Variants in SLC5A5 observed in about 807,000 individuals in gnomAD.
SLC5A5 encodes sodium/iodide cotransporter.
A neutral mutation model predicts 68.6 loss-of-function variants in SLC5A5; 56 were observed. The observed-to-expected ratio is 0.82, with a 90% confidence interval of 0.66 to 1.02. The LOEUF is 1.02. Ranked by LOEUF, SLC5A5 falls within the 50% of genes least tolerant of loss-of-function variation. SLC5A5 has a pLI of 0.00. For missense variants in SLC5A5, 807 were observed against 859.8 expected (o/e 0.94, Z 0.77); for synonymous variants, 398 against 373.0 (o/e 1.07, Z -0.77).
chr19:17,883,844 C>A lies in SLC5A5; in HGVS notation c.1330-6C>A. Reference sequence around the variant, plus strand: ...TCCCCTTCCCTGACGCCGGCTCTGCCCCCAGGGCGTCCTCGCGGGACTAGG... The same window carrying A: ...TCCCCTTCCCTGACGCCGGCTCTGCACCCAGGGCGTCCTCGCGGGACTAGG... On this transcript the variant is annotated splice_polypyrimidine_tract_variant and splice_region_variant and intron_variant, in intron 11 of 14. Coordinates refer to ENST00000222248, the MANE Select transcript of SLC5A5 (RefSeq NM_000453.3). 1 of 1,601,408 alleles carries A rather than the reference C, an allele frequency of 6.2e-7. No individual in the cohort carries two copies. The highest frequency in any genetic ancestry group is 1.1e-5 in the South Asian group (1 of 90,182).
chr19:17,892,237 G>T (rs898195232), intron 14 of SLC5A5, among the ~76,000 whole-genome samples: 5 of 149,716 alleles, frequency 3.3e-5, no homozygotes, highest in Non-Finnish European at 7.4e-5. Context: ...GGTAGAGGTT[G>T]TAGTGAGCTG....
chr19:17,878,186 C>T, intron 7 of SLC5A5, 93 bp downstream of exon 7: 2 of 1,448,058 alleles, frequency 1.4e-6, no homozygotes, highest in South Asian at 1.2e-5. Flanking sequence ...AGGGAATGGC[C>T]TGTGCAAAGG....
At chr19:17,892,813 G>A (rs2030240286) in intron 14 of SLC5A5, among the ~76,000 whole-genome samples, 1 of 152,056 alleles carries the variant, frequency 6.6e-6, no homozygotes, top group Admixed American at 6.6e-5. Flanking sequence ...GTGGCCTCTT[G>A]GGAGAGGTGA....
intron 4 of SLC5A5, among the ~76,000 whole-genome samples, chr19:17,875,377 TATA>T (rs548265014): frequency 1.4e-5 from 2 of 148,104 alleles, no homozygotes; most frequent in Non-Finnish European, 1.5e-5. Flanking sequence ...CTCAAAAAAA[TATA>T]ATAATAATAA....
chr19:17,883,852 C>T lies in SLC5A5; in HGVS notation c.1332C>T (p.Gly444=), dbSNP rs1375617543. The change falls in exon 12 of 15, where the codon GGC becomes GGT. Residue 444 remains glycine (G), a splice_region_variant and synonymous_variant. Transcript: ENST00000222248. ...CCTGACGCCGGCTCTGCCCCCAGGG[C>T]GTCCTCGCGGGACTAGGCGCGGGCT... is the stretch of plus-strand genomic sequence containing the variant. ...GMFLPACNTP[G]VLAGLGAGLA... The T allele has an allele frequency of 1.6e-5, 25 of 1,597,308 alleles. No homozygotes were observed. Among genetic ancestry groups the T allele is most frequent in the Non-Finnish European group, 2.0e-5 (24 of 1,172,890 alleles).
At chr19:17,891,189 G>A (rs1252267934) in intron 14 of SLC5A5, among the ~76,000 whole-genome samples, 188 bp downstream of exon 14, 1 of 152,140 alleles carries the variant, frequency 6.6e-6, no homozygotes, top group Admixed American at 6.6e-5. Flanking sequence ...ACTGAACAGA[G>A]TTTAATACTA....
At chr19:17,874,778 G>C (rs749252033) in intron 4 of SLC5A5, 47 bp downstream of exon 4, 1 of 1,574,348 alleles carries the variant, frequency 6.4e-7, no homozygotes, top group African/African-American at 1.3e-5. Context: ...CGGGCCCACT[G>C]TGTCTCTTGT....
chr19:17,874,188 G>C lies in SLC5A5; in HGVS notation c.408G>C (p.Gln136His). The C allele has an allele frequency of 6.2e-7, 1 of 1,611,394 alleles. No homozygotes were observed. Among genetic ancestry groups the C allele is most frequent in the Non-Finnish European group, 8.5e-7 (1 of 1,178,128 alleles). ...CAGTGCGGCTCTGCGGGACTTTGCA[G>C]TACATTGTAGCCACGGTGAGTGGCC... ...SRAVRLCGTL[Q>H]YIVATMLYTG... Residue 136 changes from glutamine (Q) to histidine (H), a missense_variant, in exon 2 of 15, where the codon CAG becomes CAC. Coordinates refer to ENST00000222248, the MANE Select transcript of SLC5A5 (RefSeq NM_000453.3).
intron 14 of SLC5A5, among the ~76,000 whole-genome samples, chr19:17,892,255 G>A (rs539216343): frequency 3.4e-4 from 52 of 151,118 alleles, no homozygotes; most frequent in Non-Finnish European, 5.6e-4. Context: ...CTGAGATCGC[G>A]CCACTGCATT....
intron 14 of SLC5A5, among the ~76,000 whole-genome samples, chr19:17,892,856 C>G (rs1324648241): frequency 1.3e-5 from 2 of 151,958 alleles, no homozygotes. Context: ...AGAAGAGGAA[C>G]CAGCCACAGA....
At chr19:17,880,812 C>A in intron 7 of SLC5A5, 53 bp from the exon 8 acceptor site, 1 of 1,344,088 alleles carries the variant, frequency 7.4e-7, no homozygotes, top group Non-Finnish European at 1.1e-6. Flanking sequence ...CAGATAGATG[C>A]CCCGGTCCTC....
chr19:17,875,700 C>G (rs1288795001), intron 4 of SLC5A5, among the ~76,000 whole-genome samples: 1 of 151,882 alleles, frequency 6.6e-6, no homozygotes, highest in Non-Finnish European at 1.5e-5. Flanking sequence ...ATCACTTGAG[C>G]CTAAGAGTTC....
intron 10 of SLC5A5, among the ~76,000 whole-genome samples, 158 bp from the exon 11 acceptor site, chr19:17,883,523 G>GCT (rs375451761): frequency 2.4e-5 from 2 of 85,014 alleles, no homozygotes; most frequent in South Asian, 5.3e-4. Flanking sequence ...GCAGGAACAA[G>GCT]GGGGGGGGGT....
intron 7 of SLC5A5, among the ~76,000 whole-genome samples, chr19:17,880,493 G>A (rs2094318168): frequency 2.0e-5 from 3 of 152,136 alleles, no homozygotes; most frequent in South Asian, 2.1e-4. Flanking sequence ...GGGATTACAC[G>A]CGTGAGTCAC....
chr19:17,884,564 G>A (rs940557263), intron 12 of SLC5A5, among the ~76,000 whole-genome samples: 6 of 151,662 alleles, frequency 4.0e-5, no homozygotes, highest in African/African-American at 1.5e-4. Flanking sequence ...CTGAGGTCAG[G>A]AGTTCAAGAC....
intron 12 of SLC5A5, among the ~76,000 whole-genome samples, chr19:17,886,880 G>T (rs1267602864): frequency 6.6e-6 from 1 of 151,664 alleles, no homozygotes; most frequent in East Asian, 1.9e-4. Flanking sequence ...ATCCAGCCTG[G>T]GTAACATAGA....
At chr19:17,876,219 C>T in intron 5 of SLC5A5, 113 bp downstream of exon 5, 1 of 1,116,626 alleles carries the variant, frequency 9.0e-7, no homozygotes, top group Non-Finnish European at 1.3e-6. Context: ...CACTTGAGCT[C>T]AGGAGTTCAA....
At chr19:17,874,604 A>C in intron 3 of SLC5A5, 59 bp downstream of exon 3, 1 of 1,612,090 alleles carries the variant, frequency 6.2e-7, no homozygotes, top group South Asian at 1.1e-5. Context: ...GGAGAGGAGA[A>C]CCCAAGACTA....
chr19:17,892,760 C>T (rs1313432165), intron 14 of SLC5A5, among the ~76,000 whole-genome samples: 2 of 144,356 alleles, frequency 1.4e-5, no homozygotes, highest in South Asian at 2.2e-4. Context: ...ATAATAAAAC[C>T]GGATGCTGTG....
Sources: allele counts gnomAD v4.1 joint callset (sites outside exome capture counted in the v4.1 genomes callset), GRCh38; gene constraint gnomAD v4.1.1; transcripts MANE v1.5; gene names NCBI Gene and HGNC (gene_info 2026-07-23, HGNC 2026-07-21).